EBF2: variants seen among roughly 807,000 people sequenced by gnomAD.
EBF2 encodes EBF transcription factor 2.
EBF2 carries 21 observed loss-of-function variants against 72.8 expected under a neutral mutation model. The ratio of observed to expected loss-of-function variants is 0.29; its 90% CI spans 0.20 to 0.42. EBF2 has a LOEUF of 0.42. Ranked by LOEUF, EBF2 falls within the 10% of genes least tolerant of loss-of-function variation. The pLI, the probability that EBF2 is intolerant of heterozygous loss-of-function variation, is 1.00. For missense variants in EBF2, 637 were observed against 731.2 expected (o/e 0.87, Z 1.49); for synonymous variants, 299 against 274.2 (o/e 1.09, Z -0.89).
At chr8:25,857,246 C>A (rs924367055) in intron 14 of EBF2, among the ~76,000 whole-genome samples, 4 of 152,086 alleles carry the variant, frequency 2.6e-5, no homozygotes, top group African/African-American at 9.7e-5. Flanking sequence ...GGTGCTATAT[C>A]TTTATCTCAC....
intron 6 of EBF2, among the ~76,000 whole-genome samples, chr8:25,978,861 G>C (rs967454393): frequency 6.6e-6 from 1 of 152,206 alleles, no homozygotes; most frequent in African/African-American, 2.4e-5. Context: ...CGATGCCAAA[G>C]ACGTGCATTA....
chr8:25,863,870 CA>C (rs1802255214), intron 10 of EBF2, among the ~76,000 whole-genome samples: 1 of 152,104 alleles, frequency 6.6e-6, no homozygotes, highest in South Asian at 2.1e-4. Flanking sequence ...TAAAATTATT[CA>C]GAGACATACC....
At chr8:25,964,844 C>A (rs1385720) in intron 6 of EBF2, among the ~76,000 whole-genome samples, 90,039 of 152,050 alleles carry the variant, frequency 0.59, 27,126 homozygotes, top group East Asian at 0.89. Context: ...CTATATGTAC[C>A]TACACATGCG....
At chr8:25,981,542 C>T (rs536027690) in intron 6 of EBF2, among the ~76,000 whole-genome samples, 106 of 152,210 alleles carry the variant, frequency 7.0e-4, no homozygotes, top group Middle Eastern at 3.4e-3. Context: ...TGGTGGCTCA[C>T]GCCTATCAGT....
intron 6 of EBF2, among the ~76,000 whole-genome samples, chr8:25,978,537 C>G (rs747196412): frequency 3.9e-5 from 6 of 152,154 alleles, no homozygotes; most frequent in Non-Finnish European, 8.8e-5. Flanking sequence ...AGCAATGGTC[C>G]AAACCAAGCT....
At chr8:25,945,249 C>T (rs1433038815) in intron 6 of EBF2, among the ~76,000 whole-genome samples, 1 of 152,002 alleles carries the variant, frequency 6.6e-6, no homozygotes, top group African/African-American at 2.4e-5. Flanking sequence ...AACTCAATAC[C>T]TGTATTTTAT....
chr8:26,023,726 C>T (rs558906073), intron 6 of EBF2, among the ~76,000 whole-genome samples: 6 of 152,084 alleles, frequency 3.9e-5, no homozygotes, highest in African/African-American at 1.4e-4. Flanking sequence ...ACAAAGAAGA[C>T]ACGTACTCAT....
intron 15 of EBF2, 39 bp from the exon 16 acceptor site, chr8:25,844,679 C>A (rs1354066431): frequency 1.2e-6 from 2 of 1,613,278 alleles, no homozygotes; most frequent in East Asian, 2.2e-5. Context: ...GACTTGGGGA[C>A]TTTTTATGTT....
intron 6 of EBF2, among the ~76,000 whole-genome samples, chr8:25,994,608 GA>G (rs1165537740): frequency 1.3e-5 from 2 of 152,136 alleles, no homozygotes; most frequent in African/African-American, 2.4e-5. Flanking sequence ...ATGCAGCCAT[GA>G]AAAAAGAACA....
chr8:25,917,386 T>A (rs1036295266), intron 6 of EBF2, among the ~76,000 whole-genome samples: 17 of 152,154 alleles, frequency 1.1e-4, no homozygotes, highest in Admixed American at 2.6e-4. Flanking sequence ...TGAATTGGAA[T>A]GAGACACACA....
intron 6 of EBF2, among the ~76,000 whole-genome samples, chr8:25,925,336 T>G (rs1473071838): frequency 6.6e-6 from 1 of 151,112 alleles, no homozygotes; most frequent in Non-Finnish European, 1.5e-5. Flanking sequence ...GTCATCAGAG[T>G]GACTTGTGAG....
At chr8:25,991,951 CAG>C (rs965830626) in intron 6 of EBF2, among the ~76,000 whole-genome samples, 1 of 152,118 alleles carries the variant, frequency 6.6e-6, no homozygotes, top group African/African-American at 2.4e-5. Context: ...CAAATTGTGG[CAG>C]AGTCATTCAA....
chr8:25,860,522 G>A (rs887404425), intron 13 of EBF2, among the ~76,000 whole-genome samples: 1 of 136,166 alleles, frequency 7.3e-6, no homozygotes, highest in Admixed American at 7.8e-5. Context: ...TTCTCGCTCT[G>A]TTGCCCAGGC....
rs112806562 is a variant in EBF2 at position 26,038,134 on chromosome 8, G to T, written c.482+1894C>A. ...AGATTGAATGAGAACTTCCCTTTTG[G>T]ATGCATCTAATATTTGCCATTACCC... On this transcript the variant is annotated intron_variant, in intron 5 of 15. Transcript: ENST00000520164. 3.0e-3 allele frequency among the ~76,000 whole-genome samples: 463 copies of T among 152,234 alleles called. 3 individuals carry two copies. The highest frequency in any genetic ancestry group is 0.01 in the African/African-American group (416 of 41,548).
intron 5 of EBF2, among the ~76,000 whole-genome samples, chr8:26,037,218 T>A (rs548179121): frequency 6.6e-6 from 1 of 152,184 alleles, no homozygotes; most frequent in South Asian, 2.1e-4. Flanking sequence ...ATCACAATCC[T>A]GAATCATACC....
chr8:25,877,541 C>T (rs1802543245), intron 10 of EBF2, among the ~76,000 whole-genome samples: 1 of 152,154 alleles, frequency 6.6e-6, no homozygotes, highest in Admixed American at 6.5e-5. Flanking sequence ...GTTGTTTGTG[C>T]TGTGGTTGGC....
At chr8:25,870,920 CAG>C (rs1298012771) in intron 10 of EBF2, among the ~76,000 whole-genome samples, 2 of 152,038 alleles carry the variant, frequency 1.3e-5, no homozygotes, top group Non-Finnish European at 2.9e-5. Flanking sequence ...CCTACACAGA[CAG>C]GGAAAATCAC....
At chr8:26,032,708 G>A (rs1019456069) in intron 6 of EBF2, 14 of 190,114 alleles carry the variant, frequency 7.4e-5, no homozygotes, top group Non-Finnish European at 1.1e-5. Flanking sequence ...CAGCCAAGCA[G>A]CAATCACCGA....
Position 26,030,420 on chromosome 8 carries a change from T to G in EBF2, c.551+2665A>C, listed in dbSNP as rs1355267936. Among the ~76,000 whole-genome samples, 23 of 150,842 alleles carry G rather than the reference T, an allele frequency of 1.5e-4. No individual in the cohort carries two copies. In the East Asian group the frequency reaches 1.8e-3, roughly 12 times the overall value. The stretch of plus-strand genomic sequence containing the variant: ...AAGGAGAACATCACACACCGGGGAC[T>G]GTTGTGGGGTGGGGGAAGGGGGGAG... On this transcript the variant is annotated intron_variant, in intron 6 of 15. Transcript: ENST00000520164.
Sources: allele counts gnomAD v4.1 joint callset (sites outside exome capture counted in the v4.1 genomes callset), GRCh38; gene constraint gnomAD v4.1.1; transcripts MANE v1.5; gene names NCBI Gene and HGNC (gene_info 2026-07-23, HGNC 2026-07-21).